Variants in SLC16A4 observed in about 807,000 individuals in gnomAD.
SLC16A4 encodes the protein solute carrier family 16 member 4.
SLC16A4 carries 39 observed loss-of-function variants against 47.9 expected under a neutral mutation model. The ratio of observed to expected loss-of-function variants is 0.81; its 90% CI spans 0.63 to 1.06. SLC16A4 has a LOEUF of 1.06. SLC16A4 is among the 50% of genes least tolerant of loss of function. The pLI, the probability that SLC16A4 is intolerant of heterozygous loss-of-function variation, is 0.00. For missense variants in SLC16A4, 524 were observed against 573.8 expected, an observed-to-expected ratio of 0.91 and a Z score of 0.89; for synonymous variants, 189 against 199.9, an observed-to-expected ratio of 0.95 and a Z score of 0.46.
chr1:110,379,620 G>C (rs1292193950), intron 5 of SLC16A4, among the ~76,000 whole-genome samples: 1 of 151,848 alleles, frequency 6.6e-6, no homozygotes, highest in South Asian at 2.1e-4. Context: ...GGGTAGGGGG[G>C]GCAAGTTTTT....
At chr1:110,382,732 T>TA in intron 3 of SLC16A4, 102 bp downstream of exon 3, 1 of 1,222,754 alleles carries the variant, frequency 8.2e-7, no homozygotes, top group Non-Finnish European at 1.1e-6. Flanking sequence ...AAATGAACCT[T>TA]AATTTTAGAA....
Position 110,363,949 on chromosome 1 carries a change from C to T in SLC16A4, c.1337-56G>A, listed in dbSNP as rs770328166. On this transcript the variant is annotated intron_variant, in intron 8 of 8. Coordinates refer to ENST00000369779, the MANE Select transcript of SLC16A4 (RefSeq NM_004696.3). ...AGGAAATTTTGCCATTAGTAACTCTCAGCCATGAATAGCTCCTCAAAGCAA... is the reference window on the plus strand; with the variant it reads ...AGGAAATTTTGCCATTAGTAACTCTTAGCCATGAATAGCTCCTCAAAGCAA... The T allele has an allele frequency of 1.6e-5, 26 of 1,576,906 alleles. No individual in the cohort carries two copies. In the Admixed American group the frequency reaches 4.1e-4, roughly 25 times the overall value.
At chr1:110,364,315 C>T (rs1200563698) in intron 8 of SLC16A4, among the ~76,000 whole-genome samples, 1 of 151,836 alleles carries the variant, frequency 6.6e-6, no homozygotes, top group Non-Finnish European at 1.5e-5. Flanking sequence ...CACTAGTGAG[C>T]CAAAACAGAT....
At chr1:110,384,346 A>G (rs948555847) in intron 2 of SLC16A4, among the ~76,000 whole-genome samples, 1 of 152,336 alleles carries the variant, frequency 6.6e-6, no homozygotes, top group African/African-American at 2.4e-5. Context: ...AGGGGTGCTT[A>G]ATTTTGGATT....
At chr1:110,379,510 C>T (rs1662232339) in intron 5 of SLC16A4, among the ~76,000 whole-genome samples, 154 bp from the exon 6 acceptor site, 1 of 151,752 alleles carries the variant, frequency 6.6e-6, no homozygotes, top group Non-Finnish European at 1.5e-5. Flanking sequence ...ATATACACTG[C>T]TGTATCCGTG....
At chr1:110,383,273 G>A (rs1405617781) in intron 2 of SLC16A4, among the ~76,000 whole-genome samples, 1 of 152,178 alleles carries the variant, frequency 6.6e-6, no homozygotes, top group African/African-American at 2.4e-5. Context: ...CTGCTGCCTA[G>A]ATACAGTTGA....
chr1:110,381,984 G>A (rs1284108650), intron 3 of SLC16A4, among the ~76,000 whole-genome samples, 189 bp from the exon 4 acceptor site: 3 of 152,122 alleles, frequency 2.0e-5, no homozygotes, highest in African/African-American at 7.2e-5. Context: ...TTTAGTTTTT[G>A]GAAGGGGAGT....
intron 7 of SLC16A4, among the ~76,000 whole-genome samples, chr1:110,375,850 T>C (rs1661968373): frequency 6.6e-6 from 1 of 152,172 alleles, no homozygotes; most frequent in South Asian, 2.1e-4. Context: ...GCTTTTCTCT[T>C]ATTAGGAAAT....
chr1:110,386,547 G>A (rs1447618707), intron 2 of SLC16A4, among the ~76,000 whole-genome samples: 2 of 152,122 alleles, frequency 1.3e-5, no homozygotes, highest in Non-Finnish European at 2.9e-5. Flanking sequence ...TAATTGGGTT[G>A]AACCTGGCAG....
intron 2 of SLC16A4, among the ~76,000 whole-genome samples, chr1:110,384,790 C>T (rs1052787112): frequency 3.3e-5 from 5 of 152,096 alleles, no homozygotes; most frequent in Admixed American, 1.3e-4. Context: ...GTGGGTGGAT[C>T]GCTTGAGCCC....
At chr1:110,380,081 G>A in intron 5 of SLC16A4, among the ~76,000 whole-genome samples, 1 of 120,090 alleles carries the variant, frequency 8.3e-6, no homozygotes, top group South Asian at 2.7e-4. Context: ...AAAGCAGCGG[G>A]AGGGAGGAAG....
chr1:110,380,976 A>G lies in SLC16A4; in HGVS notation c.526+6T>C. On this transcript the variant is annotated splice_donor_region_variant and intron_variant, in intron 5 of 8. Transcript: ENST00000369779. ...GTTGATAGTAAATAAACTTAGAATGACGTACCTGTCCAGTCATACAGATCT... is the reference window on the plus strand; with the variant it reads ...GTTGATAGTAAATAAACTTAGAATGGCGTACCTGTCCAGTCATACAGATCT... 2 of 1,612,976 alleles carry G rather than the reference A, an allele frequency of 1.2e-6. No individual in the cohort carries two copies. The highest frequency in any genetic ancestry group is 1.7e-6 in the Non-Finnish European group (2 of 1,178,986).
At position 110,364,568 on chromosome 1, in the gene SLC16A4, C is replaced by T. The variant is rs536581449; in HGVS notation, c.1337-675G>A. ...CCCAGGTTGGAGTGGTGTAGTGGCA[C>T]GATCTCTGCTTTGCTTACTGCAACC... On this transcript the variant is annotated intron_variant, in intron 8 of 8. Transcript: ENST00000369779. Among the ~76,000 whole-genome samples, 6 of 145,658 alleles carry T rather than the reference C, an allele frequency of 4.1e-5. No homozygotes were observed. In the South Asian group the frequency reaches 8.6e-4, roughly 21 times the overall value.
intron 5 of SLC16A4, among the ~76,000 whole-genome samples, chr1:110,380,637 C>G (rs376062647): frequency 7.7e-4 from 77 of 99,614 alleles, no homozygotes; most frequent in Middle Eastern, 5.8e-3. Context: ...GGGGCGGGGG[C>G]GGGGGGGGAA....
chr1:110,376,852 G>A, intron 7 of SLC16A4, 98 bp downstream of exon 7: 1 of 1,021,344 alleles, frequency 9.8e-7, no homozygotes, highest in South Asian at 1.7e-5. Flanking sequence ...GATTTTTTAA[G>A]TTACAAAATT....
chr1:110,383,629 G>A lies in SLC16A4; in HGVS notation c.88-663C>T, dbSNP rs956197046. On this transcript the variant is annotated intron_variant, in intron 2 of 8. Coordinates refer to ENST00000369779, the MANE Select transcript of SLC16A4 (RefSeq NM_004696.3). ...AGCACTGATCTTAGGTTTCACAATA[G>A]TGATGTTATCCCCCGAGCAATTTGG... is the stretch of plus-strand genomic sequence containing the variant. 1.4e-4 allele frequency among the ~76,000 whole-genome samples: 22 copies of A among 152,270 alleles called. 1 individual carries two copies. Among genetic ancestry groups the A allele is most frequent in the Middle Eastern group, 6.8e-3 (2 of 294 alleles).
rs750033613 is a variant in SLC16A4, at chr1:110,378,822, T to C, written c.1030+31A>G. 5 of 1,550,348 alleles carry C rather than the reference T, an allele frequency of 3.2e-6. No homozygotes were observed. The South Asian group carries it at 6.2e-5, about 19-fold the overall frequency. On this transcript the variant is annotated intron_variant, in intron 6 of 8. Transcript: ENST00000369779. ...TGTAAAATTAAGTTGATCTTTCCTT[T>C]TGGGTAGGAGGCTGATGTAGGCTTT...
At chr1:110,370,558 A>AT (rs1661632237) in intron 8 of SLC16A4, 1 of 151,670 alleles carries the variant, frequency 6.6e-6, no homozygotes, top group African/African-American at 2.4e-5. Flanking sequence ...GCTTAGATGA[A>AT]TGAATATATA....
At chr1:110,381,857 G>C in intron 3 of SLC16A4, 62 bp from the exon 4 acceptor site, 1 of 1,437,014 alleles carries the variant, frequency 7.0e-7, no homozygotes, top group Non-Finnish European at 9.6e-7. Flanking sequence ...CTTATCCTCT[G>C]ATGGCGATTT....
Sources: gnomAD v4.1 joint callset for allele counts (sites outside exome capture counted in the v4.1 genomes callset) on GRCh38, gnomAD v4.1.1 for gene constraint, MANE v1.5 for transcripts, NCBI Gene and HGNC (gene_info 2026-07-23, HGNC 2026-07-21) for gene names.